Variants in MAP3K7CL observed in about 807,000 individuals in gnomAD.
MAP3K7CL encodes the protein MAP3K7 C-terminal like.
In MAP3K7CL, 16 loss-of-function variants were observed where a neutral mutation model predicts 18.6. The ratio of observed to expected loss-of-function variants is 0.86; its 90% CI spans 0.58 to 1.31. MAP3K7CL has a LOEUF of 1.31. Among genes scored for constraint, MAP3K7CL ranks in the 50% most tolerant of loss-of-function variants. MAP3K7CL has a pLI of 0.00. For missense variants in MAP3K7CL, 163 were observed against 174.4 expected (o/e 0.93, Z 0.37); for synonymous variants, 65 against 66.8 (o/e 0.97, Z 0.13).
intron 4 of MAP3K7CL, among the ~76,000 whole-genome samples, chr21:29,112,263 A>C (rs1394417538): frequency 1.3e-5 from 2 of 152,262 alleles, no homozygotes; most frequent in Non-Finnish European, 2.9e-5. Flanking sequence ...ACGCCATTGC[A>C]CTCCAGCCTG....
At chr21:29,129,141 T>G (rs1327769400), upstream of MAP3K7CL, among the ~76,000 whole-genome samples, 2 of 152,170 alleles carry the variant, frequency 1.3e-5, no homozygotes, top group Non-Finnish European at 2.9e-5. Context: ...AACCCCTAAT[T>G]AACATCTTTG....
At position 29,175,119 on chromosome 21, in the gene MAP3K7CL, AG is replaced by A. The variant is rs536044229; in HGVS notation, c.*228del. On this transcript the variant is annotated 3_prime_UTR_variant, in exon 5 of 5. Transcript: ENST00000399928. Reference sequence around the variant, plus strand: ...TTACTAGTATATGTTTTTGGAGATCAGAATTCTTTTCCAAAGATATATGTTT... The same window carrying A: ...TTACTAGTATATGTTTTTGGAGATCAAATTCTTTTCCAAAGATATATGTTT... 18 of 392,334 alleles carry A rather than the reference AG, an allele frequency of 4.6e-5. No individual in the cohort carries two copies. In the South Asian group the frequency reaches 5.8e-4, roughly 13 times the overall value. 24.3% of individuals were successfully genotyped at this position (392,334 alleles called of 1,614,324 possible). A position where few individuals can be genotyped will look rare whatever the true frequency, so the allele number is the denominator to read the frequency against.
At position 29,095,252 on chromosome 21, in the gene MAP3K7CL, G is replaced by T. The variant is rs866261740; in HGVS notation, c.370+2671G>T. On this transcript the variant is annotated intron_variant, in intron 4 of 6. Transcript: ENST00000286791. ...AGGTGTCTCTATTCAGAGGCTGTCT[G>T]TTGGGGGCCTTGGCTGAGGCACTTT... Among the ~76,000 whole-genome samples, 15 of 152,154 alleles carry T rather than the reference G, an allele frequency of 9.9e-5. No individual in the cohort carries two copies. The Middle Eastern group carries it at 0.02, about 207-fold the overall frequency.
chr21:29,121,541 C>G (rs1448833036), intron 4 of MAP3K7CL, among the ~76,000 whole-genome samples: 1 of 151,896 alleles, frequency 6.6e-6, no homozygotes, highest in Non-Finnish European at 1.5e-5. Flanking sequence ...TTTCTTTTTT[C>G]TCATTCACAT....
chr21:29,129,685 A>C (rs2086743629), upstream of MAP3K7CL, among the ~76,000 whole-genome samples: 1 of 152,242 alleles, frequency 6.6e-6, no homozygotes. Flanking sequence ...TTTCTGGGTC[A>C]TGTGGTAAAA....
chr21:29,099,320 A>C (rs569815854), intron 4 of MAP3K7CL, among the ~76,000 whole-genome samples: 3 of 122,478 alleles, frequency 2.4e-5, no homozygotes, highest in East Asian at 4.8e-4. Flanking sequence ...GCCCAAGCTG[A>C]TCTTGAACTT....
upstream of MAP3K7CL, among the ~76,000 whole-genome samples, chr21:29,130,282 C>T (rs557497894): frequency 3.3e-5 from 5 of 152,294 alleles, no homozygotes; most frequent in South Asian, 2.1e-4. Flanking sequence ...AAGAATGAAT[C>T]GAGTCATCAA....
At chr21:29,145,986 C>T (rs1356575557) in intron 2 of MAP3K7CL, among the ~76,000 whole-genome samples, 1 of 152,038 alleles carries the variant, frequency 6.6e-6, no homozygotes, top group African/African-American at 2.4e-5. Flanking sequence ...CGTCGATTTC[C>T]ACAACGGGCC....
intron 4 of MAP3K7CL, chr21:29,109,153 C>T (rs1601168669): frequency 6.5e-7 from 1 of 1,535,412 alleles, no homozygotes; most frequent in South Asian, 1.2e-5. Context: ...TTCCTCTTCC[C>T]TAACGCCCTT....
chr21:29,168,692 G>A (rs2123224742), intron 4 of MAP3K7CL, among the ~76,000 whole-genome samples: 1 of 152,274 alleles, frequency 6.6e-6, no homozygotes, highest in South Asian at 2.1e-4. Flanking sequence ...TATGCCTAGT[G>A]TTCCATTATT....
In MAP3K7CL at chr21:29,146,236, A is replaced by G. The variant is rs562513030; in HGVS notation, c.71-2953A>G. ...CCTTCCAACAAGTGCCTGCTTGTCT[A>G]TGATTATTAGGGTTGGGATGCACAA... On this transcript the variant is annotated intron_variant, in intron 2 of 4. Coordinates refer to ENST00000399928, the MANE Select transcript of MAP3K7CL (RefSeq NM_001286620.2). Among the ~76,000 whole-genome samples, 37 of 152,214 alleles carry G rather than the reference A, an allele frequency of 2.4e-4. No homozygotes were observed. In the South Asian group the frequency reaches 7.2e-3, roughly 30 times the overall value.
intron 2 of MAP3K7CL, among the ~76,000 whole-genome samples, chr21:29,135,570 T>C (rs563293640): frequency 6.6e-6 from 1 of 152,346 alleles, no homozygotes; most frequent in East Asian, 1.9e-4. Context: ...AAAAGAGCCA[T>C]GGAGAGGTGA....
chr21:29,078,709 A>G (rs985373160), intron 1 of MAP3K7CL, among the ~76,000 whole-genome samples: 4 of 152,172 alleles, frequency 2.6e-5, no homozygotes, highest in Non-Finnish European at 5.9e-5. Flanking sequence ...TCTCCTCTCA[A>G]TATAATTGTT....
chr21:29,119,173 A>G (rs1335800362), intron 4 of MAP3K7CL, among the ~76,000 whole-genome samples: 1 of 152,208 alleles, frequency 6.6e-6, no homozygotes, highest in African/African-American at 2.4e-5. Context: ...TGTTAGATCA[A>G]CATTCAGTAC....
chr21:29,109,216 A>C (rs1351780766), intron 4 of MAP3K7CL: 1 of 1,535,346 alleles, frequency 6.5e-7, no homozygotes, highest in East Asian at 2.4e-5. Flanking sequence ...GTAAGTATTA[A>C]GTGCTATGAG....
intron 1 of MAP3K7CL, among the ~76,000 whole-genome samples, chr21:29,090,381 T>C (rs956288052): frequency 2.0e-5 from 3 of 151,954 alleles, no homozygotes; most frequent in African/African-American, 7.3e-5. Context: ...CTTTGTTTTG[T>C]TTTGTTGTTT....
Position 29,174,722 on chromosome 21 carries a change from A to C in MAP3K7CL, c.259A>C (p.Ile87Leu), listed in dbSNP as rs1487352007. ...TLLEQRKKELIAKLDQAEKEK... is the reference protein window; with the variant it reads ...TLLEQRKKELLAKLDQAEKEK... ...ACCCCGAATCTTCAGGAAGGAGCTC[A>C]TTGCCAAGTTAGATCAGGCAGAAAA... Residue 87 changes from isoleucine to leucine, a missense_variant, in exon 5 of 5, where the codon ATT becomes CTT. Transcript: ENST00000399928. 6.2e-7 allele frequency: 1 copy of C among 1,614,174 alleles called. No homozygotes were observed. The highest frequency in any genetic ancestry group is 8.5e-7 in the Non-Finnish European group (1 of 1,180,016).
At chr21:29,138,167 A>G (rs973278826) in intron 2 of MAP3K7CL, among the ~76,000 whole-genome samples, 1 of 152,188 alleles carries the variant, frequency 6.6e-6, no homozygotes, top group Admixed American at 6.5e-5. Context: ...GTTTTGGAGA[A>G]CACAAATATA....
chr21:29,156,268 C>G (rs930959403), intron 3 of MAP3K7CL, among the ~76,000 whole-genome samples: 1 of 152,234 alleles, frequency 6.6e-6, no homozygotes, highest in Non-Finnish European at 1.5e-5. Context: ...TAGTCAAAAT[C>G]AAGCAATGAG....
Sources: gnomAD v4.1 joint callset for allele counts (sites outside exome capture counted in the v4.1 genomes callset) on GRCh38, gnomAD v4.1.1 for gene constraint, MANE v1.5 for transcripts, NCBI Gene and HGNC (gene_info 2026-07-23, HGNC 2026-07-21) for gene names.